The following CADPS variants were observed in gnomAD, a reference collection of about 807,000 sequenced individuals.
CADPS encodes calcium dependent secretion activator, also known as calcium-dependent secretion activator 1.
A neutral mutation model predicts 167.3 loss-of-function variants in CADPS; 57 were observed. That is an observed-to-expected ratio of 0.34 (90% CI 0.28 to 0.42). CADPS has a LOEUF of 0.42. Among genes scored for constraint, CADPS ranks in the 20% least tolerant of loss-of-function variants. CADPS has a pLI of 1.00. For missense variants in CADPS, 1,414 were observed against 1,738.1 expected, an observed-to-expected ratio of 0.81 and a Z score of 3.32; for synonymous variants, 676 against 635.3, an observed-to-expected ratio of 1.06 and a Z score of -0.96.
intron 10 of CADPS, among the ~76,000 whole-genome samples, chr3:62,553,572 G>C (rs1307782964): frequency 6.6e-6 from 1 of 152,170 alleles, no homozygotes; most frequent in Non-Finnish European, 1.5e-5. Context: ...GCTCTCTTAA[G>C]AGTCATTATT....
intron 6 of CADPS, among the ~76,000 whole-genome samples, chr3:62,634,370 C>A (rs1305153274): frequency 1.3e-5 from 2 of 152,134 alleles, no homozygotes; most frequent in African/African-American, 4.8e-5. Flanking sequence ...ACAATTTTTA[C>A]ATGTTAACAT....
chr3:62,842,899 C>T (rs1005720502), intron 1 of CADPS, among the ~76,000 whole-genome samples: 1 of 152,116 alleles, frequency 6.6e-6, no homozygotes, highest in Non-Finnish European at 1.5e-5. Context: ...TACTGCGTAA[C>T]CAAGGTTTTC....
intron 1 of CADPS, among the ~76,000 whole-genome samples, chr3:62,849,253 T>C (rs1220618526): frequency 3.3e-5 from 5 of 149,610 alleles, no homozygotes; most frequent in African/African-American, 9.8e-5. Flanking sequence ...CTTTTCCTAA[T>C]TGAATGCCCT....
chr3:62,724,556 C>T (rs17067034), intron 3 of CADPS, among the ~76,000 whole-genome samples: 1,788 of 152,226 alleles, frequency 0.012, 33 homozygotes, highest in African/African-American at 0.041. Context: ...AGTAGAAAAG[C>T]GGTAGTTTCC....
At position 62,446,806 on chromosome 3, in the gene CADPS, G is replaced by A. The variant is rs1366530425; in HGVS notation, c.3637-1009C>T. Among the ~76,000 whole-genome samples the A allele has an allele frequency of 6.6e-6, 1 of 152,118 alleles. No homozygotes were observed. Among genetic ancestry groups the A allele is most frequent in the East Asian group, 1.9e-4 (1 of 5,186 alleles). ...GACTCAGGTCACACATGTTTCTCTA[G>A]GCACAATTAAGACTAAGGAGCTACA... On this transcript the variant is annotated intron_variant, in intron 26 of 29. Coordinates refer to ENST00000383710, the MANE Select transcript of CADPS (RefSeq NM_003716.4). This position sits in a 1 kb window ranked among gnomAD's most constrained non-coding sequence, Gnocchi z 4.9.
At chr3:62,447,961 C>G (rs1305943222) in intron 26 of CADPS, among the ~76,000 whole-genome samples, 2 of 151,970 alleles carry the variant, frequency 1.3e-5, no homozygotes, top group African/African-American at 4.8e-5. Flanking sequence ...CTTCCACAAA[C>G]AGTTTCTTCT....
At chr3:62,636,301 C>CT (rs1278555512) in intron 6 of CADPS, among the ~76,000 whole-genome samples, 2 of 152,156 alleles carry the variant, frequency 1.3e-5, no homozygotes, top group Admixed American at 1.3e-4. Flanking sequence ...CACCCCAAAG[C>CT]TTTTGCTCTT....
At chr3:62,765,623 T>C (rs1198534939) in intron 2 of CADPS, among the ~76,000 whole-genome samples, 4 of 152,234 alleles carry the variant, frequency 2.6e-5, no homozygotes, top group Admixed American at 2.6e-4. Context: ...GACTGTTATA[T>C]GTTGTATGAA....
At chr3:62,821,218 T>C (rs926542012) in intron 1 of CADPS, among the ~76,000 whole-genome samples, 7 of 152,200 alleles carry the variant, frequency 4.6e-5, no homozygotes, top group Non-Finnish European at 8.8e-5. Context: ...GCTTCAAATT[T>C]AGGGGCTTAA....
At chr3:62,485,045 C>T (rs962342396) in intron 21 of CADPS, among the ~76,000 whole-genome samples, 1 of 151,906 alleles carries the variant, frequency 6.6e-6, no homozygotes, top group Non-Finnish European at 1.5e-5. Flanking sequence ...ATCACCCTGC[C>T]CCACAACTTC....
rs139212060 is a variant in CADPS at position 62,585,658 on chromosome 3, A to C, written c.1438-334T>G. ...CTTTGTATAAGAAGATGGATGCATA[A>C]AAGGAAGAAATATGCTTATATATTA... On this transcript the variant is annotated intron_variant, in intron 7 of 29. Coordinates refer to ENST00000383710, the MANE Select transcript of CADPS (RefSeq NM_003716.4). Among the ~76,000 whole-genome samples the C allele has an allele frequency of 7.4e-4, 113 of 152,314 alleles. No individual in the cohort carries two copies. The Middle Eastern group carries it at 0.01, about 14-fold the overall frequency.
chr3:62,546,275 T>C (rs2076434886), intron 11 of CADPS, among the ~76,000 whole-genome samples: 1 of 152,184 alleles, frequency 6.6e-6, no homozygotes, highest in African/African-American at 2.4e-5. Context: ...AACTATGTTA[T>C]GACTGTTTTT....
chr3:62,691,129 T>C (rs4429621), intron 3 of CADPS, among the ~76,000 whole-genome samples: 123,954 of 151,944 alleles, frequency 0.82, 50,774 homozygotes, highest in East Asian at 0.88. Flanking sequence ...AGTGCACCTA[T>C]GGAGACTGAA....
chr3:62,766,049 A>T (rs1323687569), intron 1 of CADPS, 65 bp from the exon 2 acceptor site: 1 of 1,128,544 alleles, frequency 8.9e-7, no homozygotes, highest in Non-Finnish European at 1.3e-6. Context: ...TGGATACTTT[A>T]TGCTGAAGAT....
At chr3:62,532,106 G>T (rs2073822354) in intron 13 of CADPS, among the ~76,000 whole-genome samples, 1 of 152,194 alleles carries the variant, frequency 6.6e-6, no homozygotes. Flanking sequence ...CTCTGGAAAT[G>T]TACTTGGCTT....
chr3:62,788,588 A>G (rs1201257103), intron 1 of CADPS, among the ~76,000 whole-genome samples: 2 of 152,176 alleles, frequency 1.3e-5, no homozygotes, highest in Admixed American at 6.5e-5. Flanking sequence ...TTGCAAAGCT[A>G]TTGTATGTGT....
intron 1 of CADPS, among the ~76,000 whole-genome samples, chr3:62,776,264 A>AG (rs2090263524): frequency 6.6e-6 from 1 of 152,220 alleles, no homozygotes; most frequent in African/African-American, 2.4e-5. Flanking sequence ...AACACAGTAC[A>AG]GGGGCTTGCA....
chr3:62,745,286 T>G (rs1024482903), intron 3 of CADPS, among the ~76,000 whole-genome samples: 1 of 152,148 alleles, frequency 6.6e-6, no homozygotes, highest in Non-Finnish European at 1.5e-5. Context: ...TTGCCCAGCC[T>G]GGTCTTGAAC....
chr3:62,427,834 C>A (rs2053072797), intron 28 of CADPS, among the ~76,000 whole-genome samples: 1 of 152,102 alleles, frequency 6.6e-6, no homozygotes, highest in South Asian at 2.1e-4. Context: ...ATGCATTTAA[C>A]TTTGCTTACT....
Sources: allele counts gnomAD v4.1 joint callset (sites outside exome capture counted in the v4.1 genomes callset), GRCh38; gene constraint gnomAD v4.1.1; non-coding constraint Gnocchi (gnomAD v3.1); transcripts MANE v1.5; gene names NCBI Gene and HGNC (gene_info 2026-07-23, HGNC 2026-07-21).